The following ARPC4 variants were observed in gnomAD, a reference collection of about 807,000 sequenced individuals.
ARPC4 encodes the protein actin related protein 2/3 complex subunit 4.
In ARPC4, 3 loss-of-function variants were observed where a neutral mutation model predicts 22.8. That is an observed-to-expected ratio of 0.13 (90% CI 0.06 to 0.34). The LOEUF (loss-of-function observed/expected upper bound fraction) is 0.34. Ranked by LOEUF, ARPC4 falls within the 10% of genes least tolerant of loss-of-function variation. ARPC4 has a pLI of 1.00. For synonymous variants in ARPC4, 80 were observed against 72.5 expected, an observed-to-expected ratio of 1.10 and a Z score of -0.52; for missense variants, 98 against 211.0, an observed-to-expected ratio of 0.46 and a Z score of 3.32.
chr3:9,797,904 GC>G, intron 2 of ARPC4, 127 bp downstream of exon 2: 1 of 1,019,652 alleles, frequency 9.8e-7, no homozygotes, highest in Non-Finnish European at 1.4e-6. Flanking sequence ...TTGTCTTGCT[GC>G]CAGCTGAATG....
chr3:9,800,433 T>C, intron 3 of ARPC4, 137 bp downstream of exon 3: 1 of 665,672 alleles, frequency 1.5e-6, no homozygotes, highest in South Asian at 2.1e-5. Flanking sequence ...CTCTGCTTCC[T>C]TTTTTTTTGA....
upstream of ARPC4, chr3:9,792,696 G>T: frequency 8.1e-7 from 1 of 1,233,706 alleles, no homozygotes; most frequent in Non-Finnish European, 1.0e-6. Context: ...CCGAGCGCCA[G>T]GAGCTGCGGG....
intron 4 of ARPC4, among the ~76,000 whole-genome samples, chr3:9,803,033 G>A (rs1256582853): frequency 1.3e-5 from 2 of 151,744 alleles, no homozygotes; most frequent in African/African-American, 4.8e-5. Context: ...ACAGGTGCCC[G>A]CCACCATTCC....
intron 4 of ARPC4, 132 bp downstream of exon 4, chr3:9,801,888 G>A: frequency 1.1e-6 from 1 of 942,384 alleles, no homozygotes; most frequent in Non-Finnish European, 1.5e-6. Flanking sequence ...CTTCATCTTG[G>A]AGTGGGAGCA....
At chr3:9,804,114 A>G (rs2079063742) in intron 5 of ARPC4, 101 bp downstream of exon 5, 2 of 1,375,042 alleles carry the variant, frequency 1.5e-6, no homozygotes, top group Non-Finnish European at 2.0e-6. Flanking sequence ...CAGTGTGTTT[A>G]TATCTCCTGA....
chr3:9,804,309 A>G (rs1483153034), intron 5 of ARPC4: 1 of 275,984 alleles, frequency 3.6e-6, no homozygotes. Context: ...CCTTGCCTCT[A>G]TCTCGTTTAA....
chr3:9,798,364 G>A (rs188736554), intron 2 of ARPC4, among the ~76,000 whole-genome samples: 316 of 151,908 alleles, frequency 2.1e-3, no homozygotes, highest in Non-Finnish European at 3.4e-3. Context: ...TGGGTAGATC[G>A]CTTGAGTACA....
intron 2 of ARPC4, chr3:9,799,769 G>A: frequency 2.3e-6 from 1 of 435,978 alleles, no homozygotes; most frequent in Non-Finnish European, 4.6e-6. Flanking sequence ...TTTCAGATTT[G>A]CAGATTGGGG....
chr3:9,805,351 A>G (rs1416881142), intron 5 of ARPC4, among the ~76,000 whole-genome samples: 1 of 152,222 alleles, frequency 6.6e-6, no homozygotes, highest in African/African-American at 2.4e-5. Flanking sequence ...TCCCTCAGCC[A>G]GTAAGAGGAG....
chr3:9,796,707 C>T (rs1279295922), intron 1 of ARPC4, among the ~76,000 whole-genome samples: 2 of 152,010 alleles, frequency 1.3e-5, no homozygotes, highest in Non-Finnish European at 2.9e-5. Context: ...TTTGGGAGGC[C>T]AAGGCGGGCA....
At chr3:9,800,671 C>A (rs375211688) in intron 3 of ARPC4, among the ~76,000 whole-genome samples, 1 of 152,158 alleles carries the variant, frequency 6.6e-6, no homozygotes, top group East Asian at 1.9e-4. Context: ...GTGATGGGCC[C>A]GCCTCAACCT....
At chr3:9,798,528 A>G (rs968593922) in intron 2 of ARPC4, among the ~76,000 whole-genome samples, 2 of 151,148 alleles carry the variant, frequency 1.3e-5, no homozygotes, top group Non-Finnish European at 3.0e-5. Flanking sequence ...AGAGGTTGCA[A>G]TGAGCCAACA....
chr3:9,796,770 T>C (rs2078899973), intron 1 of ARPC4, among the ~76,000 whole-genome samples: 1 of 151,692 alleles, frequency 6.6e-6, no homozygotes, highest in Non-Finnish European at 1.5e-5. Flanking sequence ...TGAAACCCTG[T>C]CTCTACTAAA....
chr3:9,799,993 G>C, intron 2 of ARPC4, 192 bp from the exon 3 acceptor site: 1 of 683,558 alleles, frequency 1.5e-6, no homozygotes, highest in Non-Finnish European at 2.6e-6. Flanking sequence ...AAACCTTTTC[G>C]CCCTGACTTC....
Position 9,797,686 on chromosome 3 carries a change from G to A in ARPC4, c.31G>A (p.Ala11Thr). 6.2e-7 allele frequency: 1 copy of A among 1,614,094 alleles called. No homozygotes were observed. The highest frequency in any genetic ancestry group is 8.5e-7 in the Non-Finnish European group (1 of 1,179,992). The change falls in exon 2 of 6, where the codon GCC becomes ACC. Residue 11 changes from alanine to threonine, a missense_variant. Transcript: ENST00000397261. Reference protein sequence around the residue: MTATLRPYLSAVRATLQAALC... With the variant: MTATLRPYLSTVRATLQAALC... The stretch of plus-strand genomic sequence containing the variant: ...TGCCACTCTCCGCCCCTACCTGAGT[G>A]CCGTGCGGGCCACATTGCAGGCTGC...
At chr3:9,792,913 T>C, upstream of ARPC4, 1 of 1,392,176 alleles carries the variant, frequency 7.2e-7, no homozygotes, top group Non-Finnish European at 9.3e-7. Context: ...GTGACTCGAG[T>C]GCAAGAATTT....
chr3:9,792,731 G>C, upstream of ARPC4: 2 of 1,237,384 alleles, frequency 1.6e-6, no homozygotes, highest in Admixed American at 4.2e-5. Context: ...GAAAGGATGG[G>C]GGTACAGAAC....
rs1488287519 is a variant in ARPC4, at chr3:9,801,537, C to G, written c.235-124C>G. Reference sequence around the variant, plus strand: ...AGGTCCCCCACTTCAGTGATCCTTCCGAGTACCAAACCTCACTGTCTCCTG... The same window carrying G: ...AGGTCCCCCACTTCAGTGATCCTTCGGAGTACCAAACCTCACTGTCTCCTG... On this transcript the variant is annotated intron_variant, in intron 3 of 5. Coordinates refer to ENST00000397261, the MANE Select transcript of ARPC4 (RefSeq NM_005718.5). The G allele has an allele frequency of 3.3e-6, 3 of 902,406 alleles. No homozygotes were observed. In the South Asian group the frequency reaches 5.3e-5, roughly 16 times the overall value. The allele number at this position is 902,406 out of a possible 1,614,324, so 55.9% of individuals were successfully genotyped here.
chr3:9,796,251 A>G (rs78242586), intron 1 of ARPC4, among the ~76,000 whole-genome samples: 14 of 152,194 alleles, frequency 9.2e-5, no homozygotes, highest in Non-Finnish European at 1.8e-4. Context: ...AAAATTAGCC[A>G]GGCATGGTGA....
Sources: gnomAD v4.1 joint callset for allele counts (sites outside exome capture counted in the v4.1 genomes callset) on GRCh38, gnomAD v4.1.1 for gene constraint, MANE v1.5 for transcripts, NCBI Gene and HGNC (gene_info 2026-07-23, HGNC 2026-07-21) for gene names.